The following PSD3 variants were observed in gnomAD, a reference collection of about 807,000 sequenced individuals.
PSD3 encodes the protein pleckstrin and Sec7 domain containing 3.
PSD3 carries 49 observed loss-of-function variants against 105.5 expected under a neutral mutation model. The ratio of observed to expected loss-of-function variants is 0.46; its 90% CI spans 0.37 to 0.59. PSD3 has a LOEUF of 0.59. PSD3 is among the 20% of genes least tolerant of loss of function. PSD3 has a pLI of 0.00. For synonymous variants in PSD3, 557 were observed against 457.8 expected (o/e 1.22, Z -2.77); for missense variants, 1,561 against 1,263.8 (o/e 1.24, Z -3.57).
chr8:18,679,276 T>A (rs1455376968), intron 9 of PSD3, among the ~76,000 whole-genome samples: 1 of 152,180 alleles, frequency 6.6e-6, no homozygotes, highest in Non-Finnish European at 1.5e-5. Flanking sequence ...GAGGAAGCAA[T>A]GATTAGCAGT....
chr8:18,979,822 C>T (rs1273309215), intron 1 of PSD3: 1 of 152,300 alleles, frequency 6.6e-6, no homozygotes, highest in African/African-American at 2.4e-5. Flanking sequence ...ACTGTAAAAT[C>T]TACTTAAGAA....
chr8:18,625,185 AATACACACAC>A (rs1176328353), intron 11 of PSD3, among the ~76,000 whole-genome samples: 1 of 91,588 alleles, frequency 1.1e-5, no homozygotes, highest in Non-Finnish European at 2.2e-5. Flanking sequence ...TGAGGTGGGG[AATACACACAC>A]ACACACACAC....
rs371370644 is a variant in PSD3, at chr8:19,068,089, G to C, written c.324+16117C>G. On this transcript the variant is annotated intron_variant, in intron 1 of 1. Coordinates refer to the PSD3 transcript ENST00000521475. The stretch of plus-strand genomic sequence containing the variant: ...TCTGTGTGCTGGGAATACAGGACTG[G>C]CTGCACAATCCCTTGGTTTTGGCTC... Among the ~76,000 whole-genome samples, 15 of 152,234 alleles carry C rather than the reference G, an allele frequency of 9.9e-5. No individual in the cohort carries two copies. The East Asian group carries it at 2.5e-3, about 26-fold the overall frequency.
chr8:18,876,781 A>G (rs1817761195), intron 2 of PSD3, among the ~76,000 whole-genome samples: 1 of 152,200 alleles, frequency 6.6e-6, no homozygotes, highest in South Asian at 2.1e-4. Context: ...CTAATATTTT[A>G]AGAAACTGCT....
intron 2 of PSD3, among the ~76,000 whole-genome samples, chr8:18,917,319 C>T (rs1014769534): frequency 1.3e-5 from 2 of 152,174 alleles, no homozygotes; most frequent in African/African-American, 4.8e-5. Flanking sequence ...AGAACCCCTC[C>T]ATTTTTAGCT....
intron 11 of PSD3, among the ~76,000 whole-genome samples, chr8:18,624,636 T>C (rs901150592): frequency 1.3e-5 from 2 of 148,910 alleles, no homozygotes; most frequent in South Asian, 2.2e-4. Context: ...TGTATACATA[T>C]GTAACTAACC....
chr8:19,083,524 G>A (rs1439871214), intron 1 of PSD3, among the ~76,000 whole-genome samples: 6 of 152,218 alleles, frequency 3.9e-5, no homozygotes, highest in African/African-American at 1.4e-4. Context: ...TCCTGTCCCA[G>A]GCTGCACATC....
At chr8:18,636,476 G>T (rs1365864414) in intron 10 of PSD3, among the ~76,000 whole-genome samples, 1 of 152,108 alleles carries the variant, frequency 6.6e-6, no homozygotes, top group Non-Finnish European at 1.5e-5. Flanking sequence ...TGAAGAAAAG[G>T]TTTTTAAAAA....
chr8:18,901,238 A>C (rs985455979), intron 2 of PSD3, among the ~76,000 whole-genome samples: 3 of 152,308 alleles, frequency 2.0e-5, no homozygotes, highest in Middle Eastern at 3.4e-3. Context: ...CTCCCAAAAA[A>C]TTAAACAACA....
intron 2 of PSD3, among the ~76,000 whole-genome samples, chr8:18,898,748 T>C (rs1819311380): frequency 2.0e-5 from 3 of 152,184 alleles, no homozygotes; most frequent in African/African-American, 7.2e-5. Context: ...TATTTACTAT[T>C]CATTAAGTGG....
chr8:18,878,525 A>T (rs1217478155), intron 2 of PSD3, among the ~76,000 whole-genome samples: 2 of 152,180 alleles, frequency 1.3e-5, no homozygotes, highest in African/African-American at 4.8e-5. Flanking sequence ...CCTAATACAC[A>T]CTGGAAATAA....
chr8:18,809,584 A>G (rs1161920501), intron 4 of PSD3, among the ~76,000 whole-genome samples: 2 of 152,206 alleles, frequency 1.3e-5, no homozygotes, highest in Non-Finnish European at 2.9e-5. Context: ...TTATACAAAA[A>G]TATTATTCAT....
chr8:18,591,414 G>T (rs893885893), intron 12 of PSD3, among the ~76,000 whole-genome samples: 11 of 152,186 alleles, frequency 7.2e-5, no homozygotes, highest in African/African-American at 2.7e-4. Flanking sequence ...GTGGTTCGCT[G>T]CAGTCAGCAC....
intron 1 of PSD3, among the ~76,000 whole-genome samples, chr8:18,962,961 T>A (rs1187257285): frequency 2.6e-5 from 4 of 152,162 alleles, no homozygotes; most frequent in African/African-American, 7.2e-5. Context: ...TATTAGTCCG[T>A]TTTCACGCTG....
At chr8:19,074,086 C>T (rs980482781) in intron 1 of PSD3, among the ~76,000 whole-genome samples, 5 of 152,144 alleles carry the variant, frequency 3.3e-5, no homozygotes, top group Admixed American at 2.0e-4. Context: ...CACCGCGCCC[C>T]GCAGCCCAGA....
At chr8:18,645,586 G>C (rs935332490) in intron 10 of PSD3, among the ~76,000 whole-genome samples, 1 of 152,128 alleles carries the variant, frequency 6.6e-6, no homozygotes, top group Non-Finnish European at 1.5e-5. Flanking sequence ...AGATTGTCTT[G>C]TAAGTTTGTT....
chr8:18,669,306 G>A (rs535709329), intron 9 of PSD3, among the ~76,000 whole-genome samples: 3 of 152,174 alleles, frequency 2.0e-5, no homozygotes, highest in South Asian at 4.1e-4. Context: ...ATGAAACCAC[G>A]AATGGGACCA....
In PSD3 at chr8:19,024,309, A is replaced by G. The variant is rs7357449; in HGVS notation, c.324+59897T>C. On this transcript the variant is annotated intron_variant, in intron 1 of 1. Coordinates refer to the PSD3 transcript ENST00000521475. The stretch of plus-strand genomic sequence containing the variant: ...CTATGCTTGCATGTTTTTAGATTGT[A>G]AAAGTACCCTGGAATGTCTCCAAGA... 8.2e-3 allele frequency among the ~76,000 whole-genome samples: 1,242 copies of G among 152,278 alleles called. 17 individuals carry two copies. The highest frequency in any genetic ancestry group is 0.029 in the African/African-American group (1,188 of 41,550).
At chr8:18,737,815 T>C (rs1384947917) in intron 9 of PSD3, among the ~76,000 whole-genome samples, 1 of 152,078 alleles carries the variant, frequency 6.6e-6, no homozygotes, top group African/African-American at 2.4e-5. Context: ...ACAAAACTAG[T>C]CTTGCATCAT....
Sources: gnomAD v4.1 joint callset for allele counts (sites outside exome capture counted in the v4.1 genomes callset) on GRCh38, gnomAD v4.1.1 for gene constraint, MANE v1.5 for transcripts, NCBI Gene and HGNC (gene_info 2026-07-23, HGNC 2026-07-21) for gene names.